Variants in MYO6 observed in about 807,000 individuals in gnomAD.
MYO6 encodes the protein myosin VI, also known as unconventional myosin-VI.
MYO6 carries 74 observed loss-of-function variants against 178.7 expected under a neutral mutation model. That is an observed-to-expected ratio of 0.41 (90% confidence interval 0.34 to 0.50). MYO6 has a LOEUF of 0.50. Among genes scored for constraint, MYO6 ranks in the 20% least tolerant of loss-of-function variants. The pLI, the probability that MYO6 is intolerant of heterozygous loss-of-function variation, is 0.09. For missense variants in MYO6, 1,330 were observed against 1,547.4 expected (o/e 0.86, Z 2.36); for synonymous variants, 477 against 504.6 (o/e 0.95, Z 0.73).
At chr6:75,767,834 G>A (rs529194790) in intron 1 of MYO6, among the ~76,000 whole-genome samples, 2 of 151,810 alleles carry the variant, frequency 1.3e-5, no homozygotes, top group Non-Finnish European at 2.9e-5. Context: ...CTATTCTTAA[G>A]CAATTAAATT....
intron 1 of MYO6, among the ~76,000 whole-genome samples, chr6:75,757,902 T>C (rs1777600589): frequency 6.6e-6 from 1 of 151,912 alleles, no homozygotes; most frequent in South Asian, 2.1e-4. Flanking sequence ...TTGTCATGTT[T>C]AATGTGGAAT....
At position 75,906,517 on chromosome 6, in the gene MYO6, A is replaced by G. The variant is rs550033429; in HGVS notation, c.3177-1088A>G. Among the ~76,000 whole-genome samples the G allele has an allele frequency of 2.0e-5, 3 of 152,146 alleles. No homozygotes were observed. In the East Asian group the frequency reaches 5.8e-4, roughly 29 times the overall value. On this transcript the variant is annotated intron_variant, in intron 30 of 34. Coordinates refer to ENST00000369977, the MANE Select transcript of MYO6 (RefSeq NM_004999.4). ...ATGGCAAGACCCCATCTCTACAAAA[A>G]TTATAAAAATTAGCCTGGCTTGTTG... is the stretch of plus-strand genomic sequence containing the variant.
intron 17 of MYO6, 76 bp downstream of exon 17, chr6:75,866,697 G>T: frequency 5.4e-6 from 7 of 1,301,858 alleles, no homozygotes; most frequent in African/African-American, 1.5e-5. Flanking sequence ...TTCTAGTCAC[G>T]TGGTTATTAA....
At chr6:75,866,700 G>C in intron 17 of MYO6, 79 bp downstream of exon 17, 1 of 1,278,680 alleles carries the variant, frequency 7.8e-7, no homozygotes, top group African/African-American at 1.5e-5. Context: ...TAGTCACGTG[G>C]TTATTAATTA....
rs1321745586 is a variant in MYO6 at position 75,892,600 on chromosome 6, A to T, written c.3017A>T (p.Glu1006Val). 6.2e-7 allele frequency: 1 copy of T among 1,613,690 alleles called. No homozygotes were observed. Among genetic ancestry groups the T allele is most frequent in the Non-Finnish European group, 8.5e-7 (1 of 1,180,012 alleles). Reference protein sequence around the residue: ...ESQQQAVLEQERRDRELALRI... With the variant: ...ESQQQAVLEQVRRDRELALRI... ...CAACAGCAAGCAGTTCTGGAGCAGGAGCGCAGGGACCGGGAGCTGGCCCTG... is the reference window on the plus strand; with the variant it reads ...CAACAGCAAGCAGTTCTGGAGCAGGTGCGCAGGGACCGGGAGCTGGCCCTG... Residue 1006 changes from glutamate (E) to valine (V), a missense_variant, in exon 28 of 35, where the codon GAG (glutamate) becomes GTG (valine). Physicochemically the swap from Glu to Val is moderately radical, Grantham distance 121. Transcript: ENST00000369977.
At position 75,887,480 on chromosome 6, in the gene MYO6, A is replaced by G. The variant is rs191043671; in HGVS notation, c.2658+486A>G. 7.9e-5 allele frequency among the ~76,000 whole-genome samples: 12 copies of G among 151,524 alleles called. No individual in the cohort carries two copies. In the East Asian group the frequency reaches 2.0e-3, roughly 25 times the overall value. Reference sequence around the variant, plus strand: ...AACATGGTGAAACCCTGTCTCTACTAAAAATACAAAACTAGCTGGGTGTGG... The same window carrying G: ...AACATGGTGAAACCCTGTCTCTACTGAAAATACAAAACTAGCTGGGTGTGG... On this transcript the variant is annotated intron_variant, in intron 25 of 34. Transcript: ENST00000369977.
intron 1 of MYO6, among the ~76,000 whole-genome samples, chr6:75,805,026 T>A (rs1398536361): frequency 2.4e-4 from 31 of 126,704 alleles, no homozygotes; most frequent in South Asian, 8.0e-4. Flanking sequence ...TATATATTTT[T>A]TTTTTTTTTT....
intron 14 of MYO6, among the ~76,000 whole-genome samples, chr6:75,860,626 T>C (rs989138648): frequency 2.0e-5 from 3 of 152,236 alleles, no homozygotes; most frequent in East Asian, 1.9e-4. Flanking sequence ...CAGGAAACAA[T>C]GTTAAAACAT....
chr6:75,873,147 A>G (rs971538914), intron 19 of MYO6, 60 bp from the exon 20 acceptor site: 89 of 1,321,888 alleles, frequency 6.7e-5, no homozygotes, highest in Non-Finnish European at 9.1e-5. Context: ...AGGTATTCAT[A>G]GAAACAGAAA....
intron 15 of MYO6, among the ~76,000 whole-genome samples, chr6:75,862,092 A>C (rs1776255650): frequency 6.6e-6 from 1 of 152,208 alleles, no homozygotes; most frequent in South Asian, 2.1e-4. Flanking sequence ...TATATACTGT[A>C]TTCAAGCAGT....
At chr6:75,798,272 T>C (rs1414195373) in intron 1 of MYO6, among the ~76,000 whole-genome samples, 2 of 152,304 alleles carry the variant, frequency 1.3e-5, no homozygotes, top group Non-Finnish European at 2.9e-5. Context: ...TTGTTGACTT[T>C]GTCAAAAATC....
At chr6:75,766,742 G>A (rs1254417819) in intron 1 of MYO6, among the ~76,000 whole-genome samples, 1 of 152,134 alleles carries the variant, frequency 6.6e-6, no homozygotes, top group Non-Finnish European at 1.5e-5. Context: ...TTCAATTTAT[G>A]TGTTATTGTA....
At chr6:75,805,223 C>T (rs1280039) in intron 1 of MYO6, among the ~76,000 whole-genome samples, 39,623 of 150,634 alleles carry the variant, frequency 0.26, 7,700 homozygotes, top group African/African-American at 0.55. Flanking sequence ...GGGGTTTCAC[C>T]GTGTTAGCCA....
Position 75,919,089 on chromosome 6 carries a change from A to C in MYO6, c.*4077A>C, listed in dbSNP as rs1781289383. Reference sequence around the variant, plus strand: ...AGCCGAGATGGCGCCATTGCACTCCATCCTGGGCAACAAGAGCGAAATTCC... The same window carrying C: ...AGCCGAGATGGCGCCATTGCACTCCCTCCTGGGCAACAAGAGCGAAATTCC... On this transcript the variant is annotated 3_prime_UTR_variant, in exon 35 of 35. Coordinates refer to ENST00000369977, the MANE Select transcript of MYO6 (RefSeq NM_004999.4). 1 of 152,110 alleles carries C rather than the reference A, an allele frequency of 6.6e-6. No individual in the cohort carries two copies. Among genetic ancestry groups the C allele is most frequent in the South Asian group, 2.1e-4 (1 of 4,796 alleles). The allele number at this position is 152,110 out of a possible 1,614,324, so 9.4% of individuals were successfully genotyped here.
At chr6:75,769,789 A>G (rs1778761961) in intron 1 of MYO6, among the ~76,000 whole-genome samples, 1 of 152,202 alleles carries the variant, frequency 6.6e-6, no homozygotes, top group African/African-American at 2.4e-5. Context: ...AATCCCAGCT[A>G]CTTGGGAGGC....
At chr6:75,753,538 T>C (rs1007368748) in intron 1 of MYO6, among the ~76,000 whole-genome samples, 7 of 151,550 alleles carry the variant, frequency 4.6e-5, no homozygotes, top group African/African-American at 1.5e-4. Flanking sequence ...CTCGGCTTAC[T>C]GCAACCTCCA....
chr6:75,825,426 C>G (rs1178693219), intron 3 of MYO6, among the ~76,000 whole-genome samples: 1 of 152,106 alleles, frequency 6.6e-6, no homozygotes, highest in Non-Finnish European at 1.5e-5. Context: ...AACCCTGTCT[C>G]TACTAAAAGT....
At chr6:75,761,632 C>CA (rs1298300469) in intron 1 of MYO6, among the ~76,000 whole-genome samples, 1 of 148,842 alleles carries the variant, frequency 6.7e-6, no homozygotes, top group African/African-American at 2.5e-5. Flanking sequence ...CACACAGACA[C>CA]ATTTTTTTTT....
At chr6:75,863,660 A>G (rs1217906562) in intron 16 of MYO6, among the ~76,000 whole-genome samples, 1 of 151,946 alleles carries the variant, frequency 6.6e-6, no homozygotes, top group East Asian at 1.9e-4. Context: ...TAATTTTTGT[A>G]TTTTTAGTAG....
Sources: gnomAD v4.1 joint callset for allele counts (sites outside exome capture counted in the v4.1 genomes callset) on GRCh38, gnomAD v4.1.1 for gene constraint, MANE v1.5 for transcripts, NCBI Gene and HGNC (gene_info 2026-07-23, HGNC 2026-07-21) for gene names.